Variants in FAM110B observed in about 807,000 individuals in gnomAD.
FAM110B encodes family with sequence similarity 110 member B.
Under a neutral mutation model 20.4 loss-of-function variants are expected in FAM110B, and 6 were observed. The ratio of observed to expected loss-of-function variants is 0.29; its 90% CI spans 0.16 to 0.58. FAM110B has a LOEUF of 0.58. Ranked by LOEUF, FAM110B falls within the 20% of genes least tolerant of loss-of-function variation. The pLI is 0.90. For missense variants in FAM110B, 434 were observed against 498.2 expected, an observed-to-expected ratio of 0.87 and a Z score of 1.23; for synonymous variants, 226 against 214.1, an observed-to-expected ratio of 1.06 and a Z score of -0.49.
chr8:58,004,538 A>T (rs974683345), intron 1 of FAM110B, among the ~76,000 whole-genome samples: 14 of 152,342 alleles, frequency 9.2e-5, no homozygotes, highest in Admixed American at 7.8e-4. Context: ...TGAGGTCAGG[A>T]GTTCAAGACC....
intron 3 of FAM110B, among the ~76,000 whole-genome samples, chr8:58,125,728 T>C (rs1398766172): frequency 6.6e-6 from 1 of 152,212 alleles, no homozygotes; most frequent in African/African-American, 2.4e-5. Flanking sequence ...AACATGTCAA[T>C]TTACATTGTA....
intron 3 of FAM110B, among the ~76,000 whole-genome samples, chr8:58,085,744 C>T (rs978236900): frequency 6.6e-6 from 1 of 152,122 alleles, no homozygotes; most frequent in African/African-American, 2.4e-5. Flanking sequence ...TTGAACCCCC[C>T]ACAGATGACC....
chr8:58,143,335 C>T (rs1363911330), intron 3 of FAM110B, among the ~76,000 whole-genome samples: 1 of 152,062 alleles, frequency 6.6e-6, no homozygotes, highest in African/African-American at 2.4e-5. Flanking sequence ...TCCCAGAGTT[C>T]ACATCAAAAC....
chr8:58,029,112 G>A (rs1309986208), intron 1 of FAM110B, among the ~76,000 whole-genome samples: 2 of 152,302 alleles, frequency 1.3e-5, no homozygotes, highest in East Asian at 3.9e-4. Flanking sequence ...TGACCCAAGT[G>A]CTCTGCAGTG....
intron 1 of FAM110B, among the ~76,000 whole-genome samples, chr8:58,024,208 C>T (rs1354583175): frequency 1.0e-4 from 14 of 134,966 alleles, no homozygotes; most frequent in Non-Finnish European, 1.7e-4. Context: ...GAGAAATATA[C>T]GGATCTGTTT....
At chr8:58,076,834 C>T (rs1204825558) in intron 3 of FAM110B, among the ~76,000 whole-genome samples, 1 of 152,198 alleles carries the variant, frequency 6.6e-6, no homozygotes, top group Non-Finnish European at 1.5e-5. Flanking sequence ...GATTGACAGC[C>T]TTCCTCTAGC....
At chr8:58,025,130 G>A (rs1190475893) in intron 1 of FAM110B, among the ~76,000 whole-genome samples, 1 of 152,180 alleles carries the variant, frequency 6.6e-6, no homozygotes, top group African/African-American at 2.4e-5. Context: ...CCAGGCAGGG[G>A]TTTGTGGTTT....
At chr8:58,019,336 C>CAAAA (rs61622368) in intron 1 of FAM110B, among the ~76,000 whole-genome samples, 4 of 78,362 alleles carry the variant, frequency 5.1e-5, no homozygotes, top group South Asian at 6.1e-4. Context: ...GACTCTGTCT[C>CAAAA]AAAAAAAAAA....
At chr8:58,109,707 C>T (rs1315030951) in intron 3 of FAM110B, among the ~76,000 whole-genome samples, 3 of 152,114 alleles carry the variant, frequency 2.0e-5, no homozygotes, top group Non-Finnish European at 2.9e-5. Context: ...GGGATACCCA[C>T]GGGGGATCCA....
intron 3 of FAM110B, among the ~76,000 whole-genome samples, chr8:58,104,079 A>C (rs1425143359): frequency 6.6e-6 from 1 of 152,262 alleles, no homozygotes; most frequent in East Asian, 1.9e-4. Context: ...GCTTCTCTGC[A>C]TACCCATATT....
chr8:58,144,164 C>G (rs560649811), intron 3 of FAM110B, among the ~76,000 whole-genome samples: 2 of 152,310 alleles, frequency 1.3e-5, no homozygotes, highest in African/African-American at 4.8e-5. Flanking sequence ...GGTCCTGCCC[C>G]TCACTGTGCC....
At chr8:57,999,624 C>T (rs998638184) in intron 1 of FAM110B, among the ~76,000 whole-genome samples, 1 of 151,876 alleles carries the variant, frequency 6.6e-6, no homozygotes, top group African/African-American at 2.4e-5. Flanking sequence ...TTATATTAAA[C>T]AGATATTGAT....
intron 1 of FAM110B, among the ~76,000 whole-genome samples, chr8:58,018,001 A>G (rs1804673341): frequency 6.6e-6 from 1 of 152,200 alleles, no homozygotes; most frequent in Admixed American, 6.5e-5. Context: ...TAAGCTCTTC[A>G]CGTGTATTGG....
chr8:58,079,321 T>C (rs1338262274), intron 3 of FAM110B, among the ~76,000 whole-genome samples: 1 of 152,188 alleles, frequency 6.6e-6, no homozygotes, highest in Non-Finnish European at 1.5e-5. Flanking sequence ...GCAGGGATTT[T>C]AGATGTTTTC....
intron 3 of FAM110B, among the ~76,000 whole-genome samples, chr8:58,121,154 C>T (rs1276849278): frequency 6.6e-6 from 1 of 152,116 alleles, no homozygotes; most frequent in Non-Finnish European, 1.5e-5. Flanking sequence ...CGATGAGCCT[C>T]CAGATGCTGT....
At chr8:58,019,922 C>T (rs1804716345) in intron 1 of FAM110B, among the ~76,000 whole-genome samples, 1 of 150,702 alleles carries the variant, frequency 6.6e-6, no homozygotes, top group Admixed American at 6.6e-5. Flanking sequence ...ATTTTTAATC[C>T]TATCCTTCCC....
At chr8:58,143,607 T>G (rs1803789836) in intron 3 of FAM110B, among the ~76,000 whole-genome samples, 1 of 152,224 alleles carries the variant, frequency 6.6e-6, no homozygotes, top group Non-Finnish European at 1.5e-5. Context: ...GAAAGCAGTG[T>G]GCAAGGAAGA....
At chr8:58,028,573 C>T (rs1804897863) in intron 1 of FAM110B, among the ~76,000 whole-genome samples, 1 of 152,160 alleles carries the variant, frequency 6.6e-6, no homozygotes, top group Non-Finnish European at 1.5e-5. Flanking sequence ...GAATGGACAT[C>T]TTGTCCTTTT....
intron 2 of FAM110B, among the ~76,000 whole-genome samples, chr8:58,063,739 A>G (rs555857124): frequency 3.3e-5 from 5 of 152,320 alleles, no homozygotes; most frequent in Middle Eastern, 3.4e-3. Flanking sequence ...TTTTCCTATA[A>G]TAGGACTTTT....
Sources: gnomAD v4.1 joint callset for allele counts (sites outside exome capture counted in the v4.1 genomes callset) on GRCh38, gnomAD v4.1.1 for gene constraint, MANE v1.5 for transcripts, NCBI Gene and HGNC (gene_info 2026-07-23, HGNC 2026-07-21) for gene names.